Variants in AFTPH observed in about 807,000 individuals in gnomAD.
The protein encoded by AFTPH is aftiphilin protein.
A neutral mutation model predicts 72.5 loss-of-function variants in AFTPH; 7 were observed. The ratio of observed to expected loss-of-function variants is 0.10; its 90% CI spans 0.05 to 0.18. The LOEUF (loss-of-function observed/expected upper bound fraction) is 0.18, where lower values mean the gene tolerates loss of function less well. Ranked by LOEUF, AFTPH falls within the 10% of genes least tolerant of loss-of-function variation. The probability of loss-of-function intolerance (pLI) is 1.00; values close to 1 mark genes in which losing one functional copy is unlikely to be tolerated. For synonymous variants in AFTPH, 337 were observed against 370.1 expected (o/e 0.91, Z 1.03); for missense variants, 979 against 1,060.5 (o/e 0.92, Z 1.07).
chr2:64,581,132 T>TC, intron 7 of AFTPH, 58 bp from the exon 8 acceptor site: 1 of 1,286,098 alleles, frequency 7.8e-7, no homozygotes, highest in Non-Finnish European at 1.1e-6. Context: ...ACATAACCCC[T>TC]CCTCCCTTGG....
chr2:64,540,717 G>A (rs1670197853), intron 1 of AFTPH, among the ~76,000 whole-genome samples: 1 of 151,902 alleles, frequency 6.6e-6, no homozygotes, highest in South Asian at 2.1e-4. Context: ...ATTTTTTGTT[G>A]TCACTATTGA....
At chr2:64,560,261 A>C (rs1312432696) in intron 2 of AFTPH, among the ~76,000 whole-genome samples, 1 of 152,200 alleles carries the variant, frequency 6.6e-6, no homozygotes, top group Non-Finnish European at 1.5e-5. Flanking sequence ...CGAGACATAA[A>C]GACATGACAG....
chr2:64,549,889 A>C (rs1225891362), intron 1 of AFTPH, among the ~76,000 whole-genome samples: 1 of 152,242 alleles, frequency 6.6e-6, no homozygotes, highest in Non-Finnish European at 1.5e-5. Context: ...AGAAAATAAA[A>C]GTGAATATTT....
intron 6 of AFTPH, among the ~76,000 whole-genome samples, chr2:64,578,296 C>G (rs902237375): frequency 2.0e-5 from 3 of 152,110 alleles, no homozygotes; most frequent in Admixed American, 2.0e-4. Context: ...GCCTGCCTTA[C>G]AATAAAGCGT....
intron 1 of AFTPH, among the ~76,000 whole-genome samples, chr2:64,524,819 G>T (rs1669149220): frequency 6.6e-6 from 1 of 152,210 alleles, no homozygotes; most frequent in South Asian, 2.1e-4. Flanking sequence ...CGCTGGTGGC[G>T]CCCGAAGCGC....
At chr2:64,581,639 A>AGAT (rs879692840) in intron 7 of AFTPH, among the ~76,000 whole-genome samples, 1 of 122,784 alleles carries the variant, frequency 8.1e-6, no homozygotes, top group Non-Finnish European at 1.5e-5. Flanking sequence ...ACAAGTTTAG[A>AGAT]GATAGATAGA....
intron 5 of AFTPH, among the ~76,000 whole-genome samples, chr2:64,570,780 G>A (rs907409285): frequency 4.6e-5 from 7 of 152,098 alleles, no homozygotes; most frequent in South Asian, 2.1e-4. Flanking sequence ...ATGCTTATGC[G>A]TAGCCTCAGC....
chr2:64,567,681 A>G (rs1672167687), exon 3 of AFTPH: 1 of 1,613,566 alleles, frequency 6.2e-7, no homozygotes, highest in Non-Finnish European at 8.5e-7. Context: ...GCACTTTGCC[A>G]ATAAAAACGA....
intron 2 of AFTPH, among the ~76,000 whole-genome samples, chr2:64,556,929 G>A (rs1671412952): frequency 6.6e-6 from 1 of 152,176 alleles, no homozygotes. Context: ...TGTATAAATT[G>A]TAGAGAAGGT....
chr2:64,552,422 C>T, exon 2 of AFTPH: 1 of 1,614,026 alleles, frequency 6.2e-7, no homozygotes, highest in South Asian at 1.1e-5. Flanking sequence ...AAAAACAAGG[C>T]CTTCCAACAC....
At chr2:64,545,471 A>G (rs550933900) in intron 1 of AFTPH, among the ~76,000 whole-genome samples, 1 of 149,562 alleles carries the variant, frequency 6.7e-6, no homozygotes, top group South Asian at 2.1e-4. Flanking sequence ...ATACATATGC[A>G]GTTTATAATA....
intron 3 of AFTPH, among the ~76,000 whole-genome samples, chr2:64,568,538 T>G (rs1372993393): frequency 6.6e-6 from 1 of 152,360 alleles, no homozygotes; most frequent in East Asian, 1.9e-4. Context: ...AAAAGGTAGA[T>G]GGGAGGCAAA....
intron 2 of AFTPH, among the ~76,000 whole-genome samples, chr2:64,565,418 T>G (rs1282682096): frequency 5.0e-5 from 7 of 140,788 alleles, no homozygotes; most frequent in Non-Finnish European, 1.0e-4. Flanking sequence ...GAGCTTGCAG[T>G]GAGCCGAGAT....
chr2:64,559,855 C>T (rs955212908), intron 2 of AFTPH, among the ~76,000 whole-genome samples: 52 of 152,052 alleles, frequency 3.4e-4, no homozygotes, highest in Admixed American at 1.3e-4. Flanking sequence ...CAGGTGTGTG[C>T]GACCACACCT....
chr2:64,528,482 T>C (rs1020825833), intron 1 of AFTPH, among the ~76,000 whole-genome samples: 5 of 152,156 alleles, frequency 3.3e-5, no homozygotes, highest in Non-Finnish European at 5.9e-5. Context: ...AAATAAGCAA[T>C]AGCAATAATG....
intron 1 of AFTPH, among the ~76,000 whole-genome samples, chr2:64,546,535 A>G (rs998484761): frequency 1.3e-5 from 2 of 152,182 alleles, no homozygotes; most frequent in Non-Finnish European, 2.9e-5. Context: ...TAAAATACAC[A>G]TATTTAAATG....
intron 5 of AFTPH, among the ~76,000 whole-genome samples, chr2:64,571,511 A>T (rs1392707808): frequency 6.6e-6 from 1 of 152,178 alleles, no homozygotes; most frequent in East Asian, 1.9e-4. Context: ...CCATGAACTT[A>T]TTTCATTTTT....
At chr2:64,527,658 G>T (rs746456609) in intron 1 of AFTPH, among the ~76,000 whole-genome samples, 1 of 151,592 alleles carries the variant, frequency 6.6e-6, no homozygotes, top group Non-Finnish European at 1.5e-5. Context: ...TTTCAGCATT[G>T]TATATTTAAA....
At chr2:64,569,207 A>G in exon 4 of AFTPH, 1 of 1,612,480 alleles carries the variant, frequency 6.2e-7, no homozygotes, top group Non-Finnish European at 8.5e-7. Context: ...GGGAATAGAC[A>G]CCCGAAACAT....
Sources: allele counts gnomAD v4.1 joint callset (sites outside exome capture counted in the v4.1 genomes callset), GRCh38; gene constraint gnomAD v4.1.1; transcripts MANE v1.5; gene names NCBI Gene and HGNC (gene_info 2026-07-23, HGNC 2026-07-21).